GNB5: variants seen among roughly 807,000 people sequenced by gnomAD.
The protein encoded by GNB5 is G protein subunit beta 5, also known as guanine nucleotide-binding protein subunit beta-5.
GNB5 carries 37 observed loss-of-function variants against 55.3 expected under a neutral mutation model. The observed-to-expected ratio is 0.67, with a 90% CI of 0.51 to 0.88. GNB5 has a LOEUF of 0.88. Ranked by LOEUF, GNB5 falls within the 40% of genes least tolerant of loss-of-function variation. The pLI, the probability that GNB5 is intolerant of heterozygous loss-of-function variation, is 0.00. For synonymous variants in GNB5, 219 were observed against 198.5 expected, an observed-to-expected ratio of 1.10 and a Z score of -0.87; for missense variants, 476 against 515.3, an observed-to-expected ratio of 0.92 and a Z score of 0.74.
At chr15:52,141,424 T>C (rs1306798728) in intron 6 of GNB5, 152 bp from the exon 7 acceptor site, 8 of 648,600 alleles carry the variant, frequency 1.2e-5, no homozygotes, top group Non-Finnish European at 2.0e-5. Context: ...GATTTTCTTT[T>C]CTTTCTTTCT....
chr15:52,172,872 C>T (rs1406583461), intron 3 of GNB5, among the ~76,000 whole-genome samples: 2 of 152,194 alleles, frequency 1.3e-5, no homozygotes, highest in Non-Finnish European at 2.9e-5. Flanking sequence ...ACATTTACTG[C>T]ATATACAAGC....
At chr15:52,176,287 C>T (rs552010793) in intron 3 of GNB5, among the ~76,000 whole-genome samples, 4 of 152,276 alleles carry the variant, frequency 2.6e-5, no homozygotes, top group Non-Finnish European at 5.9e-5. Context: ...AAACTGAATC[C>T]TGGCCCAATC....
At position 52,115,217 on chromosome 15, in the gene GNB5, G is replaced by T. The variant is rs1440611814; in HGVS notation, c.*7540C>A. On this transcript the variant is annotated 3_prime_UTR_variant, in exon 13 of 13. Transcript: ENST00000261837. ...GATTTGCAGTAGCTTTGGGGTAAATGATAAATCCTCTGGAACTGCCATTGG... is the reference window on the plus strand; with the variant it reads ...GATTTGCAGTAGCTTTGGGGTAAATTATAAATCCTCTGGAACTGCCATTGG... 1 of 152,180 alleles carries T rather than the reference G, an allele frequency of 6.6e-6. No individual in the cohort carries two copies. Among genetic ancestry groups the T allele is most frequent in the Non-Finnish European group, 1.5e-5 (1 of 68,020 alleles). The allele number at this position is 152,180 out of a possible 1,614,324, so 9.4% of individuals were successfully genotyped here.
At chr15:52,127,565 C>T (rs531119014) in intron 10 of GNB5, among the ~76,000 whole-genome samples, 202 of 151,922 alleles carry the variant, frequency 1.3e-3, no homozygotes, top group African/African-American at 4.7e-3. Context: ...TTTAAATTTT[C>T]ATTATTTCAA....
At chr15:52,137,951 A>G (rs1000633063) in intron 7 of GNB5, 2 of 1,286,984 alleles carry the variant, frequency 1.6e-6, no homozygotes, top group African/African-American at 1.5e-5. Flanking sequence ...ATGGCTGAGG[A>G]AAGAAAAGAG....
intron 12 of GNB5, among the ~76,000 whole-genome samples, chr15:52,123,216 C>G (rs1289271913): frequency 6.6e-6 from 1 of 152,164 alleles, no homozygotes; most frequent in Non-Finnish European, 1.5e-5. Flanking sequence ...TTTTCTCTAT[C>G]CTAACACTAG....
chr15:52,181,033 T>C (rs571567933), intron 2 of GNB5: 1 of 152,310 alleles, frequency 6.6e-6, no homozygotes, highest in South Asian at 2.1e-4. Flanking sequence ...TATGTGATCT[T>C]GCATGCGTTT....
intron 12 of GNB5, among the ~76,000 whole-genome samples, chr15:52,123,205 CT>C (rs1270707221): frequency 6.6e-6 from 1 of 152,118 alleles, no homozygotes; most frequent in Admixed American, 6.6e-5. Context: ...TGCAAAAATC[CT>C]TTTCTCTATC....
rs567141041 is a variant in GNB5 at position 52,117,820 on chromosome 15, G to A, written c.*4937C>T. 6 of 152,466 alleles carry A rather than the reference G, an allele frequency of 3.9e-5. No individual in the cohort carries two copies. Among genetic ancestry groups the A allele is most frequent in the East Asian group, 1.9e-4 (1 of 5,178 alleles). 9.4% of individuals were successfully genotyped at this position (152,466 alleles called of 1,614,324 possible). A position where few individuals can be genotyped will look rare whatever the true frequency, so the allele number is the denominator to read the frequency against. ...AGATTTCCTGGCCCACCTCAGGCCC[G>A]CCCAGTCCAGATCTCAGGGCAGGGC... On this transcript the variant is annotated 3_prime_UTR_variant, in exon 13 of 13. Transcript: ENST00000261837.
chr15:52,178,556 G>A (rs1336925360), intron 3 of GNB5, among the ~76,000 whole-genome samples: 1 of 152,198 alleles, frequency 6.6e-6, no homozygotes, highest in Non-Finnish European at 1.5e-5. Context: ...TGGTGCAGCT[G>A]AACAACAGCA....
chr15:52,129,535 T>C (rs1359237234), intron 9 of GNB5, among the ~76,000 whole-genome samples: 1 of 152,220 alleles, frequency 6.6e-6, no homozygotes, highest in African/African-American at 2.4e-5. Flanking sequence ...GAAAGCATTA[T>C]GAATTCATGG....
intron 7 of GNB5, among the ~76,000 whole-genome samples, chr15:52,139,216 TGGA>T (rs1343937450): frequency 1.3e-5 from 2 of 152,152 alleles, no homozygotes; most frequent in Non-Finnish European, 2.9e-5. Context: ...CAAAGGCAAG[TGGA>T]TTGCTTGAGC....
chr15:52,135,891 A>ACC, intron 7 of GNB5, 135 bp from the exon 8 acceptor site: 3 of 701,872 alleles, frequency 4.3e-6, no homozygotes, highest in East Asian at 5.7e-5. Context: ...ACACACACAC[A>ACC]CACCCTACCT....
In GNB5 at chr15:52,135,676, A is replaced by G. The variant is rs1372254139; in HGVS notation, c.708T>C (p.His236=). ...GGTCCAAGCAGAGGACGTCAGCCCC[A>G]TGTCCGTGGAAGCTCTGCAGCAGCT... ...SGQLLQSFHG[H]GADVLCLDLA... Residue 236 remains histidine, a synonymous_variant, in exon 8 of 13, where the codon CAT becomes CAC. Coordinates refer to ENST00000261837, the MANE Select transcript of GNB5 (RefSeq NM_016194.4). 6.2e-7 allele frequency: 1 copy of G among 1,613,454 alleles called. No individual in the cohort carries two copies. The highest frequency in any genetic ancestry group is 8.5e-7 in the Non-Finnish European group (1 of 1,179,766).
chr15:52,145,953 CT>C (rs937011704), intron 6 of GNB5, among the ~76,000 whole-genome samples: 4,689 of 127,492 alleles, frequency 0.037, 103 homozygotes, highest in East Asian at 0.26. Flanking sequence ...TATAATATGA[CT>C]TTTTTTTTTT....
At chr15:52,137,768 C>G (rs779152714) in intron 7 of GNB5, 12 of 1,208,392 alleles carry the variant, frequency 9.9e-6, no homozygotes, top group Non-Finnish European at 1.2e-5. Context: ...CTGGCGGCAT[C>G]ACAGAGCCCT....
chr15:52,166,666 C>G (rs2034457084), intron 3 of GNB5, among the ~76,000 whole-genome samples: 1 of 152,174 alleles, frequency 6.6e-6, no homozygotes, highest in Admixed American at 6.5e-5. Flanking sequence ...ACCAGAATCT[C>G]TAGGACACAG....
chr15:52,148,531 G>T (rs539677372), intron 5 of GNB5, among the ~76,000 whole-genome samples: 1 of 152,328 alleles, frequency 6.6e-6, no homozygotes, highest in South Asian at 2.1e-4. Flanking sequence ...CGTCTCCCAT[G>T]GGAATAAAAC....
At chr15:52,125,004 G>C (rs2033384652) in intron 11 of GNB5, among the ~76,000 whole-genome samples, 1 of 152,178 alleles carries the variant, frequency 6.6e-6, no homozygotes, top group African/African-American at 2.4e-5. Flanking sequence ...AAGAGAGAAA[G>C]TTAAAGTGAC....
Sources: allele counts gnomAD v4.1 joint callset (sites outside exome capture counted in the v4.1 genomes callset), GRCh38; gene constraint gnomAD v4.1.1; transcripts MANE v1.5; gene names NCBI Gene and HGNC (gene_info 2026-07-23, HGNC 2026-07-21).